The following ATP8A2 variants were observed in gnomAD, a reference collection of about 807,000 sequenced individuals.
The protein encoded by ATP8A2 is phospholipid-transporting ATPase IB.
ATP8A2 carries 100 observed loss-of-function variants against 165.6 expected under a neutral mutation model. The observed-to-expected ratio is 0.60, with a 90% CI of 0.51 to 0.71. The LOEUF (loss-of-function observed/expected upper bound fraction) is 0.71. ATP8A2 is among the 30% of genes least tolerant of loss of function. The pLI, the probability that ATP8A2 is intolerant of heterozygous loss-of-function variation, is 0.00. For missense variants in ATP8A2, 1,227 were observed against 1,479.5 expected, an observed-to-expected ratio of 0.83 and a Z score of 2.80; for synonymous variants, 543 against 548.8, an observed-to-expected ratio of 0.99 and a Z score of 0.15.
At chr13:25,765,559 A>T (rs2044473540) in intron 25 of ATP8A2, among the ~76,000 whole-genome samples, 2 of 152,176 alleles carry the variant, frequency 1.3e-5, no homozygotes, top group Admixed American at 1.3e-4. Flanking sequence ...ATGTTTTCTC[A>T]AGGCATTACA....
At chr13:25,410,199 G>A (rs1399225256) in intron 1 of ATP8A2, among the ~76,000 whole-genome samples, 1 of 152,000 alleles carries the variant, frequency 6.6e-6, no homozygotes, top group Non-Finnish European at 1.5e-5. Context: ...TATGTAGACA[G>A]TCCGTAGTGG....
intron 25 of ATP8A2, among the ~76,000 whole-genome samples, chr13:25,730,503 G>C (rs2043597176): frequency 6.6e-6 from 1 of 152,034 alleles, no homozygotes; most frequent in Admixed American, 6.6e-5. Context: ...GAGCTCATAG[G>C]GTAGCTTCAA....
intron 1 of ATP8A2, among the ~76,000 whole-genome samples, chr13:25,410,967 C>T (rs956272864): frequency 6.6e-6 from 1 of 152,172 alleles, no homozygotes; most frequent in African/African-American, 2.4e-5. Flanking sequence ...TATGTTCATC[C>T]AGTTTTTCTG....
intron 1 of ATP8A2, among the ~76,000 whole-genome samples, chr13:25,454,991 A>G (rs7317964): frequency 0.45 from 67,748 of 152,136 alleles, 15,464 homozygotes; most frequent in East Asian, 0.7. Flanking sequence ...CTGGTCTTAG[A>G]AGCATCACAT....
rs111257260 is a variant in ATP8A2 at position 25,386,858 on chromosome 13, G to A, written c.76+14570G>A. On this transcript the variant is annotated intron_variant, in intron 1 of 36. Coordinates refer to ENST00000381655, the MANE Select transcript of ATP8A2 (RefSeq NM_016529.6). ...TAAAAATACAAAAAAGTAGCCGGGC[G>A]TGGTGGCGGGCACCTGTAGTCCCAG... Among the ~76,000 whole-genome samples, 714 of 151,702 alleles carry A rather than the reference G, an allele frequency of 4.7e-3. 5 individuals are homozygous for A. The highest frequency in any genetic ancestry group is 0.015 in the African/African-American group (614 of 41,440).
intron 34 of ATP8A2, among the ~76,000 whole-genome samples, chr13:25,964,786 C>T (rs149541832): frequency 6.6e-6 from 1 of 152,282 alleles, no homozygotes; most frequent in African/African-American, 2.4e-5. Context: ...AGGGGTGCTG[C>T]GGGCCTCTCA....
chr13:25,957,350 G>C (rs1178167852), intron 33 of ATP8A2, among the ~76,000 whole-genome samples: 2 of 152,140 alleles, frequency 1.3e-5, no homozygotes, highest in African/African-American at 2.4e-5. Context: ...GGGAGAGAAT[G>C]TTTGCAATCT....
intron 35 of ATP8A2, among the ~76,000 whole-genome samples, chr13:26,010,186 C>A (rs1000829148): frequency 1.3e-5 from 2 of 152,246 alleles, no homozygotes; most frequent in African/African-American, 4.8e-5. Flanking sequence ...CCCCATCTGA[C>A]CTTTGTCAAG....
At chr13:25,772,766 T>A (rs1593323294) in intron 26 of ATP8A2, among the ~76,000 whole-genome samples, 1 of 151,660 alleles carries the variant, frequency 6.6e-6, no homozygotes. Flanking sequence ...ATTTATTATT[T>A]TTTTTATTCA....
intron 35 of ATP8A2, among the ~76,000 whole-genome samples, chr13:26,002,239 C>A (rs1406022493): frequency 6.6e-6 from 1 of 152,112 alleles, no homozygotes; most frequent in Non-Finnish European, 1.5e-5. Flanking sequence ...AAAACTTACT[C>A]CTTTTGATGA....
At chr13:25,773,151 A>G (rs2044663002) in intron 26 of ATP8A2, among the ~76,000 whole-genome samples, 1 of 152,210 alleles carries the variant, frequency 6.6e-6, no homozygotes, top group Non-Finnish European at 1.5e-5. Flanking sequence ...TTCTCAATAC[A>G]GCCTGCTTGT....
chr13:25,896,688 A>G (rs1953562420), intron 33 of ATP8A2, among the ~76,000 whole-genome samples: 2 of 152,166 alleles, frequency 1.3e-5, no homozygotes, highest in Admixed American at 6.5e-5. Context: ...GTAGTTCTCT[A>G]AGGACTTGCT....
chr13:26,022,005 G>A lies in ATP8A2; in HGVS notation c.*2020G>A, dbSNP rs911337607. On this transcript the variant is annotated 3_prime_UTR_variant, in exon 37 of 37. Coordinates refer to ENST00000381655, the MANE Select transcript of ATP8A2 (RefSeq NM_016529.6). ...GGATGCAGAGAGGGCCTGAGGGGCA[G>A]CAGAACAATGCAATTCACAGGTGAG... The A allele has an allele frequency of 3.3e-5, 5 of 152,168 alleles. No individual in the cohort carries two copies. The highest frequency in any genetic ancestry group is 1.2e-4 in the African/African-American group (5 of 41,426). 9.4% of individuals were successfully genotyped at this position (152,168 alleles called of 1,614,324 possible).
chr13:25,937,238 A>G (rs1272575587), intron 33 of ATP8A2, among the ~76,000 whole-genome samples: 3 of 152,060 alleles, frequency 2.0e-5, no homozygotes, highest in Admixed American at 6.6e-5. Flanking sequence ...ACTATAAGGG[A>G]AAACAAAATG....
intron 24 of ATP8A2, among the ~76,000 whole-genome samples, chr13:25,631,786 A>G (rs1428011031): frequency 1.3e-5 from 2 of 152,168 alleles, no homozygotes; most frequent in East Asian, 1.9e-4. Context: ...GCAGCTTTAC[A>G]TAGACTGAGA....
At chr13:25,798,243 ATTC>A (rs1284023786) in intron 27 of ATP8A2, among the ~76,000 whole-genome samples, 2 of 152,238 alleles carry the variant, frequency 1.3e-5, no homozygotes, top group African/African-American at 4.8e-5. Flanking sequence ...AATGGTAGTT[ATTC>A]TTCTGTGAAG....
At chr13:25,958,016 G>T (rs1315987971) in intron 33 of ATP8A2, among the ~76,000 whole-genome samples, 1 of 152,002 alleles carries the variant, frequency 6.6e-6, no homozygotes, top group African/African-American at 2.4e-5. Context: ...TGGTTAGTTA[G>T]CAAACTAACA....
At chr13:25,631,866 A>T (rs2041247929) in intron 24 of ATP8A2, among the ~76,000 whole-genome samples, 1 of 150,134 alleles carries the variant, frequency 6.7e-6, no homozygotes, top group Non-Finnish European at 1.5e-5. Flanking sequence ...AAATGTGGGG[A>T]GTTTTCCCAA....
chr13:25,828,003 T>C, intron 27 of ATP8A2, 115 bp from the exon 28 acceptor site: 1 of 795,484 alleles, frequency 1.3e-6, no homozygotes, highest in Non-Finnish European at 2.2e-6. Context: ...CTGTGGCTCA[T>C]GATTCCTTAG....
Sources: allele counts gnomAD v4.1 joint callset (sites outside exome capture counted in the v4.1 genomes callset), GRCh38; gene constraint gnomAD v4.1.1; transcripts MANE v1.5; gene names NCBI Gene and HGNC (gene_info 2026-07-23, HGNC 2026-07-21).